Variants in WDR41 observed in about 807,000 individuals in gnomAD.
WDR41 encodes the protein WD repeat domain 41.
WDR41 carries 63 observed loss-of-function variants against 69.3 expected under a neutral mutation model. The observed-to-expected ratio is 0.91, with a 90% CI of 0.74 to 1.12. The LOEUF (loss-of-function observed/expected upper bound fraction) is 1.12, where lower values mean the gene tolerates loss of function less well. Among genes scored for constraint, WDR41 ranks in the 50% most tolerant of loss-of-function variants. The pLI is 0.00. For missense variants in WDR41, 543 were observed against 534.5 expected (o/e 1.02, Z -0.16); for synonymous variants, 185 against 192.1 (o/e 0.96, Z 0.31).
rs1340440729 is a variant in WDR41 at position 77,606,881 on chromosome 5, T to C, written c.42+13598A>G. On this transcript the variant is annotated intron_variant, in intron 1 of 5. Coordinates refer to the WDR41 transcript ENST00000509971. ...TGAGGCTTGGGGTGAGGTCATGCCT[T>C]GCCCCAAAGCATTCAATGAAAAAGA... is the stretch of plus-strand genomic sequence containing the variant. 2.0e-5 allele frequency among the ~76,000 whole-genome samples: 3 copies of C among 149,156 alleles called. 1 individual carries two copies. The South Asian group carries it at 6.4e-4, about 32-fold the overall frequency.
rs539924995 is a variant in WDR41 at position 77,605,095 on chromosome 5, C to T, written c.42+15384G>A. Among the ~76,000 whole-genome samples, 94 of 152,180 alleles carry T rather than the reference C, an allele frequency of 6.2e-4. 1 individual carries two copies. The highest frequency in any genetic ancestry group is 3.4e-3 in the Middle Eastern group (1 of 294). The stretch of plus-strand genomic sequence containing the variant: ...ATATTTTAATTGTTAACCATTCTAC[C>T]CTCTCCAAATTGTTGAGTCAACTTT... On this transcript the variant is annotated intron_variant, in intron 1 of 5. Transcript: ENST00000509971.
At chr5:77,559,278 A>G (rs1402355823) in intron 1 of WDR41, among the ~76,000 whole-genome samples, 1 of 152,234 alleles carries the variant, frequency 6.6e-6, no homozygotes, top group Non-Finnish European at 1.5e-5. Flanking sequence ...CCACACAGAT[A>G]CAAAAGATAG....
intron 1 of WDR41, among the ~76,000 whole-genome samples, chr5:77,543,979 A>C (rs1743143602): frequency 6.6e-6 from 1 of 152,168 alleles, no homozygotes; most frequent in African/African-American, 2.4e-5. Context: ...CCTGAAAGCT[A>C]GAAGGGCCTA....
At chr5:77,486,717 C>T (rs1200550466) in intron 2 of WDR41, among the ~76,000 whole-genome samples, 1 of 152,138 alleles carries the variant, frequency 6.6e-6, no homozygotes, top group East Asian at 1.9e-4. Context: ...ACCAGCCAGC[C>T]CCCGCCAATC....
chr5:77,437,536 G>A, intron 10 of WDR41, 112 bp from the exon 11 acceptor site: 3 of 925,740 alleles, frequency 3.2e-6, no homozygotes, highest in South Asian at 1.4e-5. Context: ...TCAGCTCTTA[G>A]CAGGAACTGA....
At chr5:77,609,972 G>A (rs1744512543) in intron 1 of WDR41, among the ~76,000 whole-genome samples, 1 of 152,060 alleles carries the variant, frequency 6.6e-6, no homozygotes, top group Admixed American at 6.5e-5. Context: ...AGGAGCTGAT[G>A]GAGCTGAAAG....
chr5:77,555,475 A>G (rs1743374210), intron 1 of WDR41, among the ~76,000 whole-genome samples: 1 of 152,074 alleles, frequency 6.6e-6, no homozygotes, highest in Non-Finnish European at 1.5e-5. Context: ...CACCCAGCTA[A>G]TTGTTTTGGT....
chr5:77,470,475 C>G (rs983011352), intron 2 of WDR41, among the ~76,000 whole-genome samples: 2 of 152,172 alleles, frequency 1.3e-5, no homozygotes, highest in African/African-American at 2.4e-5. Flanking sequence ...TTAAAAGACA[C>G]AGACTGGCAA....
At chr5:77,539,584 A>T (rs1424847431) in intron 1 of WDR41, among the ~76,000 whole-genome samples, 2 of 152,182 alleles carry the variant, frequency 1.3e-5, no homozygotes, top group Non-Finnish European at 2.9e-5. Flanking sequence ...CAGTACACAA[A>T]ACTGGTTAAG....
At chr5:77,470,020 G>C (rs1380593719) in intron 2 of WDR41, among the ~76,000 whole-genome samples, 2 of 150,264 alleles carry the variant, frequency 1.3e-5, no homozygotes, top group East Asian at 3.9e-4. Context: ...GTTAAGGGCA[G>C]CCAGAGAGAA....
At chr5:77,474,978 G>A (rs1378768764) in intron 2 of WDR41, among the ~76,000 whole-genome samples, 2 of 152,232 alleles carry the variant, frequency 1.3e-5, no homozygotes, top group Non-Finnish European at 2.9e-5. Flanking sequence ...GCGAGCCGAA[G>A]CAGGGCGACG....
intron 1 of WDR41, among the ~76,000 whole-genome samples, chr5:77,571,373 A>G (rs915891721): frequency 6.6e-6 from 1 of 151,998 alleles, no homozygotes; most frequent in Admixed American, 6.6e-5. Flanking sequence ...GGCGGGAGGG[A>G]AAAAAATCCA....
chr5:77,446,705 A>C (rs2151299065), intron 8 of WDR41, among the ~76,000 whole-genome samples: 1 of 152,302 alleles, frequency 6.6e-6, no homozygotes, highest in East Asian at 1.9e-4. Context: ...AATGGTGCTA[A>C]GAAAACTGGC....
At chr5:77,469,559 G>A (rs185724907) in intron 2 of WDR41, among the ~76,000 whole-genome samples, 245 of 152,150 alleles carry the variant, frequency 1.6e-3, no homozygotes, top group African/African-American at 5.3e-3. Context: ...TACTCCATTA[G>A]GAAACAAATT....
At chr5:77,515,114 C>T (rs926262058) in intron 1 of WDR41, among the ~76,000 whole-genome samples, 2 of 151,996 alleles carry the variant, frequency 1.3e-5, no homozygotes, top group Non-Finnish European at 2.9e-5. Context: ...AATTCTTTTA[C>T]CTTATCAACT....
intron 1 of WDR41, among the ~76,000 whole-genome samples, chr5:77,611,454 G>A (rs1242074586): frequency 1.3e-5 from 2 of 152,034 alleles, no homozygotes; most frequent in East Asian, 3.9e-4. Flanking sequence ...ACAACAAACT[G>A]TCTCTCAGAC....
chr5:77,520,692 G>C (rs1443614976), intron 1 of WDR41, among the ~76,000 whole-genome samples: 2 of 152,102 alleles, frequency 1.3e-5, no homozygotes, highest in East Asian at 1.9e-4. Context: ...ACCCCATAAA[G>C]CTGAAGGTCA....
chr5:77,433,926 A>G (rs1798831486), intron 12 of WDR41, among the ~76,000 whole-genome samples: 1 of 152,246 alleles, frequency 6.6e-6, no homozygotes, highest in Non-Finnish European at 1.5e-5. Flanking sequence ...AGCTAAGAAT[A>G]GGAAAACAGA....
chr5:77,439,585 T>C (rs903457229), intron 9 of WDR41, among the ~76,000 whole-genome samples: 1 of 152,174 alleles, frequency 6.6e-6, no homozygotes, highest in South Asian at 2.1e-4. Flanking sequence ...GGAAGAAAAT[T>C]ATAAACACAA....
Sources: allele counts gnomAD v4.1 joint callset (sites outside exome capture counted in the v4.1 genomes callset), GRCh38; gene constraint gnomAD v4.1.1; transcripts MANE v1.5; gene names NCBI Gene and HGNC (gene_info 2026-07-23, HGNC 2026-07-21).